RAB37: variants seen among roughly 807,000 people sequenced by gnomAD.
RAB37 encodes the protein ras-related protein Rab-37.
RAB37 carries 29 observed loss-of-function variants against 33.1 expected under a neutral mutation model. The ratio of observed to expected loss-of-function variants is 0.88; its 90% CI spans 0.65 to 1.20. The LOEUF (loss-of-function observed/expected upper bound fraction) is 1.20. RAB37 is among the 50% of genes most tolerant of loss of function. The probability of loss-of-function intolerance (pLI) is 0.00; values close to 1 mark genes in which losing one functional copy is unlikely to be tolerated. For synonymous variants in RAB37, 128 were observed against 119.5 expected, an observed-to-expected ratio of 1.07 and a Z score of -0.47; for missense variants, 299 against 301.1, an observed-to-expected ratio of 0.99 and a Z score of 0.05.
chr17:74,707,390 A>G (rs1407597172), intron 1 of RAB37, among the ~76,000 whole-genome samples: 2 of 152,268 alleles, frequency 1.3e-5, no homozygotes, highest in African/African-American at 4.8e-5. Context: ...TTAAATGCTC[A>G]ACATCTCTGA....
intron 1 of RAB37, chr17:74,698,298 G>T: frequency 9.5e-7 from 1 of 1,056,094 alleles, no homozygotes; most frequent in Non-Finnish European, 1.5e-6. Context: ...CCTTGGACCA[G>T]ATAGCTCCCA....
At position 74,737,381 on chromosome 17, in the gene RAB37, C is replaced by T. The variant is rs1312214571; in HGVS notation, c.93+16C>T. 1.3e-6 allele frequency: 2 copies of T among 1,547,162 alleles called. No homozygotes were observed. Among genetic ancestry groups the T allele is most frequent in the Non-Finnish European group, 1.7e-6 (2 of 1,151,822 alleles). On this transcript the variant is annotated intron_variant, in intron 1 of 8. Transcript: ENST00000392613. ...CACGGGCAAGGTGGGTGGGCCTCTT[C>T]CGTGAGACCCCCGCCCTCCTCGGCG...
rs34215331 is a variant in RAB37 at position 74,745,080 on chromosome 17, G to A, written c.562G>A (p.Ala188Thr). Residue 188 changes from alanine to threonine, a missense_variant, in exon 8 of 9, where the codon GCC becomes ACC. Transcript: ENST00000392613. This position sits in a 1 kb window ranked among gnomAD's most constrained non-coding sequence, Gnocchi z 4.5. ...MNVELAFLAI[A>T]KELKYRAGHQ... The stretch of plus-strand genomic sequence containing the variant: ...TGTGGAGTTAGCCTTTCTGGCCATC[G>A]CCAAGTGAGAGCTGGGCAGGGAAGG... 6 of 1,614,084 alleles carry A rather than the reference G, an allele frequency of 3.7e-6. No homozygotes were observed. Among genetic ancestry groups the A allele is most frequent in the South Asian group, 3.3e-5 (3 of 91,074 alleles).
intron 1 of RAB37, among the ~76,000 whole-genome samples, chr17:74,727,372 G>C (rs1259254943): frequency 5.9e-5 from 9 of 152,246 alleles, no homozygotes; most frequent in Admixed American, 1.3e-4. Context: ...GGCCAGGGGA[G>C]CCTTCAGACC....
rs752466801 is a variant in RAB37, at chr17:74,729,314, A to G, written c.131A>G (p.Gln44Arg). The change falls in exon 2 of 8, where the codon CAG becomes CGG. Residue 44 changes from glutamine to arginine, a missense_variant. Transcript: ENST00000340415. The surrounding 1 kb of genome is among the most constrained non-coding windows in gnomAD (Gnocchi z 4.2). ...ACGTCTCTGCTGGTTCAGTTCGATC[A>G]GGGCAAGTTCATCCCCGGCTCCTTC... is the stretch of plus-strand genomic sequence containing the variant. 1.6e-5 allele frequency: 26 copies of G among 1,614,086 alleles called. No individual in the cohort carries two copies. The highest frequency in any genetic ancestry group is 3.3e-5 in the South Asian group (3 of 91,072).
At chr17:74,716,687 G>T (rs2034168570) in intron 1 of RAB37, among the ~76,000 whole-genome samples, 1 of 152,006 alleles carries the variant, frequency 6.6e-6, no homozygotes, top group African/African-American at 2.4e-5. Context: ...GCTGCCTTGT[G>T]TCAGGGTCAG....
chr17:74,692,771 C>T (rs1180629946), intron 1 of RAB37, among the ~76,000 whole-genome samples: 1 of 152,212 alleles, frequency 6.6e-6, no homozygotes, highest in Non-Finnish European at 1.5e-5. Flanking sequence ...CGTCATGCTT[C>T]TGGGCAGTCA....
chr17:74,704,726 C>A (rs949285252), intron 1 of RAB37: 1 of 1,614,200 alleles, frequency 6.2e-7, no homozygotes, highest in Non-Finnish European at 8.5e-7. Context: ...GGTCTCCCAG[C>A]CTGATCTGTA....
intron 1 of RAB37, among the ~76,000 whole-genome samples, chr17:74,727,707 C>T (rs922633408): frequency 7.9e-5 from 12 of 152,258 alleles, no homozygotes; most frequent in African/African-American, 2.4e-4. Context: ...CTCATGGTCA[C>T]TTCAGATGCT....
chr17:74,695,040 G>A (rs1191158900), intron 1 of RAB37: 26 of 1,553,344 alleles, frequency 1.7e-5, no homozygotes, highest in Admixed American at 1.2e-4. Flanking sequence ...GCAGACGGTC[G>A]ATGAGGCAGG....
chr17:74,744,833 G>C lies in RAB37; in HGVS notation c.433-40G>C. ...GGCAAAATATGGGCCCGCTGGGGCG[G>C]AGGCCTCCTTCCCCAGAGTGACCCA... On this transcript the variant is annotated intron_variant, in intron 6 of 8. Coordinates refer to ENST00000392613, the MANE Select transcript of RAB37 (RefSeq NM_001006638.3). This position sits in a 1 kb window ranked among gnomAD's most constrained non-coding sequence, Gnocchi z 4.2. 6.2e-7 allele frequency: 1 copy of C among 1,612,964 alleles called. No individual in the cohort carries two copies. Among genetic ancestry groups the C allele is most frequent in the Non-Finnish European group, 8.5e-7 (1 of 1,178,918 alleles).
chr17:74,702,273 G>A (rs1381150840), intron 1 of RAB37, among the ~76,000 whole-genome samples: 1 of 152,110 alleles, frequency 6.6e-6, no homozygotes, highest in Non-Finnish European at 1.5e-5. Flanking sequence ...GACTGCAGAT[G>A]GTTGGGCAGG....
chr17:74,745,309 A>G lies in RAB37; in HGVS notation c.570A>G (p.Glu190=), dbSNP rs760520213. 1 of 1,613,930 alleles carries G rather than the reference A, an allele frequency of 6.2e-7. No homozygotes were observed. Among genetic ancestry groups the G allele is most frequent in the South Asian group, 1.1e-5 (1 of 91,082 alleles). ...AGCCCATTGTCTCTTCTTCAAGGGA[A>G]CTGAAATACCGGGCCGGGCATCAGG... is the stretch of plus-strand genomic sequence containing the variant. The part of the protein sequence containing the change: ...VELAFLAIAK[E]LKYRAGHQAD... The change falls in exon 9 of 9, where the codon GAA becomes GAG. Residue 190 remains glutamate, a synonymous_variant. Coordinates refer to ENST00000392613, the MANE Select transcript of RAB37 (RefSeq NM_001006638.3). The surrounding 1 kb of genome is among the most constrained non-coding windows in gnomAD (Gnocchi z 4.5).
chr17:74,700,980 C>A (rs1183564787), intron 1 of RAB37, among the ~76,000 whole-genome samples: 1 of 152,120 alleles, frequency 6.6e-6, no homozygotes, highest in African/African-American at 2.4e-5. Flanking sequence ...CAGACACACG[C>A]AGAGGGACGA....
Position 74,731,942 on chromosome 17 carries a change from G to A in RAB37, c.183+2576G>A, listed in dbSNP as rs554573935. Among the ~76,000 whole-genome samples, 16 of 152,084 alleles carry A rather than the reference G, an allele frequency of 1.1e-4. 1 individual carries two copies. The South Asian group carries it at 1.2e-3, about 12-fold the overall frequency. On this transcript the variant is annotated intron_variant, in intron 2 of 7. Coordinates refer to the RAB37 transcript ENST00000340415. ...AGAGAATCACTTGAACCTGGGAGGCGGAGGTTGCGGCGAGCCAATATCATG... is the reference window on the plus strand; with the variant it reads ...AGAGAATCACTTGAACCTGGGAGGCAGAGGTTGCGGCGAGCCAATATCATG...
In RAB37 at chr17:74,729,344, C is replaced by A; in HGVS notation, c.161C>A (p.Ala54Asp). Residue 54 changes from alanine (A) to aspartate (D), a missense_variant, in exon 2 of 8, where the codon GCC becomes GAC. Coordinates refer to the RAB37 transcript ENST00000340415. This position sits in a 1 kb window ranked among gnomAD's most constrained non-coding sequence, Gnocchi z 4.2. ...AAGTTCATCCCCGGCTCCTTCTCGG[C>A]CACTGTGGGCATCGGATTCACGGTA... 6 of 1,613,912 alleles carry A rather than the reference C, an allele frequency of 3.7e-6. No homozygotes were observed. The highest frequency in any genetic ancestry group is 4.2e-6 in the Non-Finnish European group (5 of 1,179,824).
chr17:74,742,126 TG>T lies in RAB37; in HGVS notation c.205-126del. 8.9e-7 allele frequency: 1 copy of T among 1,126,010 alleles called. No homozygotes were observed. Among genetic ancestry groups the T allele is most frequent in the Non-Finnish European group, 1.3e-6 (1 of 782,246 alleles). The allele number at this position is 1,126,010 out of a possible 1,614,324, so 69.8% of individuals were successfully genotyped here. On this transcript the variant is annotated intron_variant, in intron 2 of 8. Transcript: ENST00000392613. This position sits in a 1 kb window ranked among gnomAD's most constrained non-coding sequence, Gnocchi z 4.0. ...TTCCTGCTGCCCTGATGGTATGATC[TG>T]GCTGGAGACGGTTCTGGGGCTCACT...
chr17:74,700,282 G>A (rs138693644), intron 1 of RAB37, among the ~76,000 whole-genome samples: 2 of 152,112 alleles, frequency 1.3e-5, no homozygotes, highest in African/African-American at 2.4e-5. Context: ...TCCTGCCTAC[G>A]ACTCACCCCT....
chr17:74,724,201 A>G (rs116985396), intron 1 of RAB37, among the ~76,000 whole-genome samples: 3,040 of 152,334 alleles, frequency 0.02, 58 homozygotes, highest in Non-Finnish European at 0.03. Flanking sequence ...TTAGGGAGAC[A>G]TGAGACATCA....
Sources: allele counts gnomAD v4.1 joint callset (sites outside exome capture counted in the v4.1 genomes callset), GRCh38; gene constraint gnomAD v4.1.1; non-coding constraint Gnocchi (gnomAD v3.1); transcripts MANE v1.5; gene names NCBI Gene and HGNC (gene_info 2026-07-23, HGNC 2026-07-21).